Variants in AVEN observed in about 807,000 individuals in gnomAD.
The protein encoded by AVEN is apoptosis and caspase activation inhibitor, also known as cell death regulator Aven.
A neutral mutation model predicts 38.1 loss-of-function variants in AVEN; 41 were observed. That is an observed-to-expected ratio of 1.08 (90% confidence interval 0.84 to 1.40). The LOEUF is 1.40. AVEN is among the 40% of genes most tolerant of loss of function. AVEN has a pLI of 0.00. For missense variants in AVEN, 605 were observed against 438.8 expected (o/e 1.38, Z -3.38); for synonymous variants, 206 against 171.8 (o/e 1.20, Z -1.56).
At chr15:33,864,103 C>T, downstream of AVEN, 2 of 1,539,588 alleles carry the variant, frequency 1.3e-6, no homozygotes, top group Non-Finnish European at 8.9e-7. Context: ...TGGGTCTTGA[C>T]CAGAGTATCT....
At chr15:33,980,145 T>C (rs1162153675) in intron 2 of AVEN, among the ~76,000 whole-genome samples, 1 of 152,144 alleles carries the variant, frequency 6.6e-6, no homozygotes. Flanking sequence ...ACAGAAGAAA[T>C]AGGTACAAGG....
At chr15:34,015,348 T>G (rs1897845512) in intron 1 of AVEN, among the ~76,000 whole-genome samples, 1 of 151,896 alleles carries the variant, frequency 6.6e-6, no homozygotes, top group East Asian at 1.9e-4. Flanking sequence ...CCAGGTGCGG[T>G]GGCGGGCACC....
At chr15:33,893,372 A>T (rs549997673) in intron 2 of AVEN, among the ~76,000 whole-genome samples, 1 of 152,230 alleles carries the variant, frequency 6.6e-6, no homozygotes, top group South Asian at 2.1e-4. Flanking sequence ...AAATTTTAAC[A>T]TGTAGGAAGA....
chr15:33,854,828 C>T, downstream of AVEN: 1 of 1,613,948 alleles, frequency 6.2e-7, no homozygotes, highest in Non-Finnish European at 8.5e-7. Context: ...ATAACTTCTT[C>T]TTTGCTGCTC....
chr15:33,911,980 G>T (rs1892934767), intron 2 of AVEN, among the ~76,000 whole-genome samples: 1 of 152,132 alleles, frequency 6.6e-6, no homozygotes, highest in Non-Finnish European at 1.5e-5. Flanking sequence ...AGGAGAGAGG[G>T]AACCCCAGGC....
intron 2 of AVEN, among the ~76,000 whole-genome samples, chr15:33,923,001 C>T (rs1567415480): frequency 1.3e-5 from 2 of 152,072 alleles, no homozygotes; most frequent in South Asian, 4.2e-4. Flanking sequence ...TATATATACA[C>T]TTAATGAATA....
At chr15:33,998,420 C>T (rs1014966276) in intron 2 of AVEN, among the ~76,000 whole-genome samples, 1 of 152,016 alleles carries the variant, frequency 6.6e-6, no homozygotes, top group Non-Finnish European at 1.5e-5. Context: ...CCCAGGAATT[C>T]GAGACCAGCC....
chr15:33,928,484 G>A (rs10519892), intron 2 of AVEN, among the ~76,000 whole-genome samples: 33,595 of 152,132 alleles, frequency 0.22, 4,094 homozygotes, highest in Middle Eastern at 0.38. Context: ...CAGACGTAAG[G>A]CTGAAGAATG....
At chr15:34,068,813 A>ATTTTTT (rs147560221) in intron 2 of AVEN, among the ~76,000 whole-genome samples, 8 of 136,498 alleles carry the variant, frequency 5.9e-5, no homozygotes, top group Non-Finnish European at 7.7e-5. Context: ...CTACAATCCA[A>ATTTTTT]TTTTTTTTTT....
intron 2 of AVEN, among the ~76,000 whole-genome samples, chr15:33,951,424 A>ACT (rs1231689320): frequency 6.8e-6 from 1 of 147,272 alleles, no homozygotes; most frequent in Non-Finnish European, 1.5e-5. Context: ...GGGGTGGGGG[A>ACT]GGGAGGAGGG....
intron 2 of AVEN, among the ~76,000 whole-genome samples, chr15:33,963,796 CA>C (rs57116335): frequency 1.2e-4 from 14 of 112,452 alleles, no homozygotes; most frequent in East Asian, 2.6e-4. Context: ...GACTCTGTCT[CA>C]AAAAAAAAAA....
intron 5 of AVEN, among the ~76,000 whole-genome samples, chr15:34,057,126 GTTTTGGTTTT>G (rs1900183255): frequency 1.1e-5 from 1 of 92,322 alleles, no homozygotes; most frequent in African/African-American, 3.1e-5. Flanking sequence ...CAGGAGAAGA[GTTTTGGTTTT>G]TTTTGGTTTT....
chr15:33,875,567 G>C (rs974425597), intron 3 of AVEN, among the ~76,000 whole-genome samples: 1 of 152,156 alleles, frequency 6.6e-6, no homozygotes, highest in Non-Finnish European at 1.5e-5. Flanking sequence ...CAAAAACAGT[G>C]AGAGACAGAA....
At chr15:34,069,169 C>T (rs1206756017) in intron 2 of AVEN, among the ~76,000 whole-genome samples, 1 of 151,754 alleles carries the variant, frequency 6.6e-6, no homozygotes. Flanking sequence ...TGCCTGTAAT[C>T]CCAACACTTT....
chr15:34,020,244 G>C (rs1898145177), intron 1 of AVEN, among the ~76,000 whole-genome samples: 1 of 151,986 alleles, frequency 6.6e-6, no homozygotes, highest in Non-Finnish European at 1.5e-5. Flanking sequence ...CAGGGAGGCG[G>C]AGCTTGCAGT....
At chr15:33,872,347 C>G (rs1408934958) in intron 3 of AVEN, among the ~76,000 whole-genome samples, 1 of 152,142 alleles carries the variant, frequency 6.6e-6, no homozygotes, top group Admixed American at 6.5e-5. Flanking sequence ...GAAAAGAACC[C>G]GCTATATACT....
intron 2 of AVEN, among the ~76,000 whole-genome samples, chr15:34,068,038 A>G (rs899573962): frequency 6.6e-6 from 1 of 152,190 alleles, no homozygotes; most frequent in Non-Finnish European, 1.5e-5. Context: ...AAAAGTTGCA[A>G]GAGTAATAAG....
chr15:33,862,811 G>C (rs536418421), downstream of AVEN, among the ~76,000 whole-genome samples: 2 of 152,158 alleles, frequency 1.3e-5, no homozygotes, highest in South Asian at 2.1e-4. Flanking sequence ...GGGTTTCACC[G>C]TGTTGGCCAA....
intron 5 of AVEN, 120 bp downstream of exon 5, chr15:33,867,375 T>C: frequency 7.4e-7 from 1 of 1,356,954 alleles, no homozygotes; most frequent in Non-Finnish European, 9.9e-7. Context: ...TAGATGTCAG[T>C]GGACAACACT....
Sources: gnomAD v4.1 joint callset for allele counts (sites outside exome capture counted in the v4.1 genomes callset) on GRCh38, gnomAD v4.1.1 for gene constraint, MANE v1.5 for transcripts, NCBI Gene and HGNC (gene_info 2026-07-23, HGNC 2026-07-21) for gene names.